Variants in TBC1D9 observed in about 807,000 individuals in gnomAD.
TBC1D9 encodes TBC1 domain family member 9.
TBC1D9 carries 63 observed loss-of-function variants against 132.0 expected under a neutral mutation model. The ratio of observed to expected loss-of-function variants is 0.48; its 90% CI spans 0.39 to 0.59. The LOEUF is 0.59. Among genes scored for constraint, TBC1D9 ranks in the 20% least tolerant of loss-of-function variants. TBC1D9 has a pLI of 0.00. For missense variants in TBC1D9, 1,261 were observed against 1,592.7 expected (o/e 0.79, Z 3.54); for synonymous variants, 610 against 609.9 (o/e 1.00, Z 0.00).
intron 2 of TBC1D9, among the ~76,000 whole-genome samples, chr4:140,695,078 A>G (rs1737933177): frequency 6.6e-6 from 1 of 152,218 alleles, no homozygotes; most frequent in Non-Finnish European, 1.5e-5. Flanking sequence ...ACAGTAGAGA[A>G]TAAGAGCAGA....
At position 140,756,095 on chromosome 4, in the gene TBC1D9, T is replaced by G; in HGVS notation, c.-50A>C. On this transcript the variant is annotated 5_prime_UTR_variant, in exon 1 of 21. Transcript: ENST00000442267. The surrounding 1 kb of genome is among the most constrained non-coding windows in gnomAD (Gnocchi z 5.6). ...CACAATGGGCCCGTGGGTCCAGTCC[T>G]GCACCCACCACCGCGACAGGCGCGC... 5 of 1,501,842 alleles carry G rather than the reference T, an allele frequency of 3.3e-6. No homozygotes were observed. Among genetic ancestry groups the G allele is most frequent in the Non-Finnish European group, 4.5e-6 (5 of 1,113,282 alleles). The allele number at this position is 1,501,842 out of a possible 1,614,324, so 93.0% of individuals were successfully genotyped here.
At chr4:140,638,737 T>C (rs1736918801) in intron 15 of TBC1D9, among the ~76,000 whole-genome samples, 1 of 152,118 alleles carries the variant, frequency 6.6e-6, no homozygotes, top group African/African-American at 2.4e-5. Flanking sequence ...TCTAACTACA[T>C]AAGGGTGTTT....
chr4:140,662,270 T>C (rs1203499801), intron 9 of TBC1D9, among the ~76,000 whole-genome samples, 163 bp from the exon 10 acceptor site: 3 of 152,222 alleles, frequency 2.0e-5, no homozygotes, highest in Non-Finnish European at 4.4e-5. Context: ...GTGGCTAGAC[T>C]GGTGAATTTG....
chr4:140,698,774 G>A (rs1355243504), intron 2 of TBC1D9, among the ~76,000 whole-genome samples: 1 of 152,078 alleles, frequency 6.6e-6, no homozygotes, highest in African/African-American at 2.4e-5. Flanking sequence ...TACAATGTTA[G>A]AATTTCAGGT....
chr4:140,649,544 A>G (rs1737155193), intron 13 of TBC1D9, among the ~76,000 whole-genome samples: 1 of 152,220 alleles, frequency 6.6e-6, no homozygotes, highest in African/African-American at 2.4e-5. Context: ...GTGAGGCTTT[A>G]GGTATAGAAA....
chr4:140,631,642 G>A (rs1453066545), intron 16 of TBC1D9, among the ~76,000 whole-genome samples: 1 of 150,666 alleles, frequency 6.6e-6, no homozygotes, highest in Non-Finnish European at 1.5e-5. Context: ...TGTCGTCCAG[G>A]CTGGAGTGCT....
At chr4:140,624,935 C>A (rs1736682010) in intron 18 of TBC1D9, among the ~76,000 whole-genome samples, 2 of 152,050 alleles carry the variant, frequency 1.3e-5, no homozygotes, top group Non-Finnish European at 2.9e-5. Context: ...GCCTGTAATC[C>A]CAGCTACTCG....
At chr4:140,671,221 T>G (rs1196713549) in intron 6 of TBC1D9, among the ~76,000 whole-genome samples, 1 of 152,112 alleles carries the variant, frequency 6.6e-6, no homozygotes, top group Non-Finnish European at 1.5e-5. Flanking sequence ...TGGAGGCATT[T>G]TGGGTTGTCA....
chr4:140,643,570 G>A, intron 13 of TBC1D9: 1 of 886,664 alleles, frequency 1.1e-6, no homozygotes. Context: ...CTGGGCTGGG[G>A]CTCGCTCAGG....
chr4:140,622,309 G>A lies in TBC1D9; in HGVS notation c.3687C>T (p.Tyr1229=). ...SLLTEPALVK[Y]FDKPVCMMAR... The stretch of plus-strand genomic sequence containing the variant: ...CCATCATGCACACGGGCTTGTCAAA[G>A]TACTTGACCAGGGCAGGCTCAGTTA... Residue 1229 remains tyrosine (Y), a synonymous_variant, in exon 21 of 21, where the codon TAC becomes TAT. Coordinates refer to ENST00000442267, the MANE Select transcript of TBC1D9 (RefSeq NM_015130.3). 1.9e-6 allele frequency: 3 copies of A among 1,613,784 alleles called. No individual in the cohort carries two copies. The highest frequency in any genetic ancestry group is 1.7e-6 in the Non-Finnish European group (2 of 1,179,710).
At chr4:140,754,715 C>G (rs939957916) in intron 1 of TBC1D9, among the ~76,000 whole-genome samples, 42 of 140,364 alleles carry the variant, frequency 3.0e-4, no homozygotes, top group African/African-American at 1.1e-3. Flanking sequence ...ATAACTTCTA[C>G]AAAATGACCT....
chr4:140,713,113 T>A (rs1738276338), intron 1 of TBC1D9, among the ~76,000 whole-genome samples: 1 of 152,210 alleles, frequency 6.6e-6, no homozygotes, highest in African/African-American at 2.4e-5. Flanking sequence ...TTTTTAAATT[T>A]TTTTATAGAA....
chr4:140,729,690 T>A (rs1254540936), intron 1 of TBC1D9, among the ~76,000 whole-genome samples: 4 of 151,904 alleles, frequency 2.6e-5, no homozygotes, highest in Non-Finnish European at 5.9e-5. Flanking sequence ...CCTGGTGGCA[T>A]GCGCCTGTAG....
chr4:140,640,447 T>TGGGGGG (rs55770281), intron 13 of TBC1D9, among the ~76,000 whole-genome samples: 4 of 107,992 alleles, frequency 3.7e-5, no homozygotes, highest in African/African-American at 6.8e-5. Flanking sequence ...GGTGGTGGGG[T>TGGGGGG]GGGGGGGGGA....
intron 15 of TBC1D9, among the ~76,000 whole-genome samples, chr4:140,636,364 C>T: frequency 6.6e-6 from 1 of 152,018 alleles, no homozygotes; most frequent in East Asian, 1.9e-4. Context: ...TCCTTTGTAT[C>T]TCCAGAAAAA....
intron 2 of TBC1D9, chr4:140,700,829 A>AAG (rs990867945): frequency 6.6e-6 from 1 of 152,448 alleles, no homozygotes; most frequent in African/African-American, 2.4e-5. Context: ...GGGAAAAAAA[A>AAG]AAAAATTAAG....
At chr4:140,651,684 AT>A (rs1737189611) in intron 13 of TBC1D9, among the ~76,000 whole-genome samples, 1 of 152,234 alleles carries the variant, frequency 6.6e-6, no homozygotes, top group Non-Finnish European at 1.5e-5. Flanking sequence ...TTAGAGATAC[AT>A]TCTTTTACAG....
chr4:140,650,049 T>G (rs542975984), intron 13 of TBC1D9, among the ~76,000 whole-genome samples: 37 of 152,374 alleles, frequency 2.4e-4, no homozygotes, highest in South Asian at 1.2e-3. Flanking sequence ...GAGAAACAGT[T>G]GTCACATAAA....
At chr4:140,738,375 C>A (rs955906108) in intron 1 of TBC1D9, among the ~76,000 whole-genome samples, 2 of 152,308 alleles carry the variant, frequency 1.3e-5, no homozygotes, top group East Asian at 3.9e-4. Flanking sequence ...TTTCTTTTCA[C>A]ATGTAAAATG....
Sources: allele counts gnomAD v4.1 joint callset (sites outside exome capture counted in the v4.1 genomes callset), GRCh38; gene constraint gnomAD v4.1.1; non-coding constraint Gnocchi (gnomAD v3.1); transcripts MANE v1.5; gene names NCBI Gene and HGNC (gene_info 2026-07-23, HGNC 2026-07-21).